Variants in CNTN5 observed in about 807,000 individuals in gnomAD.
The protein encoded by CNTN5 is contactin-5.
CNTN5 carries 77 observed loss-of-function variants against 129.1 expected under a neutral mutation model. The ratio of observed to expected loss-of-function variants is 0.60; its 90% CI spans 0.50 to 0.72. CNTN5 has a LOEUF of 0.72. CNTN5 is among the 30% of genes least tolerant of loss of function. The pLI, the probability that CNTN5 is intolerant of heterozygous loss-of-function variation, is 0.00. For synonymous variants in CNTN5, 509 were observed against 465.6 expected, an observed-to-expected ratio of 1.09 and a Z score of -1.20; for missense variants, 1,478 against 1,328.8, an observed-to-expected ratio of 1.11 and a Z score of -1.75.
At position 100,274,069 on chromosome 11, in the gene CNTN5, A is replaced by T. The variant is rs116681929; in HGVS notation, c.2314+2828A>T. Among the ~76,000 whole-genome samples, 976 of 152,222 alleles carry T rather than the reference A, an allele frequency of 6.4e-3. 15 individuals carry two copies. The highest frequency in any genetic ancestry group is 0.022 in the African/African-American group (910 of 41,526). ...ATAGAGAGTGCAGAAATATGAACTAACTCCTACAACCATCTGATTTTCGAC... is the reference window on the plus strand; with the variant it reads ...ATAGAGAGTGCAGAAATATGAACTATCTCCTACAACCATCTGATTTTCGAC... On this transcript the variant is annotated intron_variant, in intron 18 of 24. Coordinates refer to ENST00000524871, the MANE Select transcript of CNTN5 (RefSeq NM_014361.4).
At chr11:99,549,410 G>C (rs1462372788) in intron 2 of CNTN5, among the ~76,000 whole-genome samples, 2 of 151,956 alleles carry the variant, frequency 1.3e-5, no homozygotes, top group South Asian at 4.1e-4. Flanking sequence ...GTGGGCCCTA[G>C]GCTTTGGTTT....
At chr11:100,287,279 A>G (rs1274447687) in intron 18 of CNTN5, among the ~76,000 whole-genome samples, 5 of 152,058 alleles carry the variant, frequency 3.3e-5, no homozygotes, top group Non-Finnish European at 7.4e-5. Flanking sequence ...ACTCCTCGAG[A>G]AGAGCAACTC....
At chr11:100,291,923 C>T (rs1056302139) in intron 18 of CNTN5, among the ~76,000 whole-genome samples, 25 of 151,722 alleles carry the variant, frequency 1.6e-4, no homozygotes, top group Admixed American at 1.3e-3. Flanking sequence ...TTTCTTCTCC[C>T]GCCATTGCTC....
chr11:99,136,960 T>C (rs1859262964), intron 1 of CNTN5, among the ~76,000 whole-genome samples: 1 of 152,170 alleles, frequency 6.6e-6, no homozygotes, highest in Non-Finnish European at 1.5e-5. Flanking sequence ...ATTACTAAGA[T>C]GCTGAAAAAA....
At chr11:99,809,294 T>G (rs1235554619) in intron 3 of CNTN5, among the ~76,000 whole-genome samples, 1 of 152,232 alleles carries the variant, frequency 6.6e-6, no homozygotes, top group African/African-American at 2.4e-5. Context: ...GCTCTGTTGC[T>G]AAGTTTTGTT....
intron 15 of CNTN5, among the ~76,000 whole-genome samples, chr11:100,222,724 G>GA (rs1215880268): frequency 4.6e-5 from 7 of 151,288 alleles, no homozygotes; most frequent in Admixed American, 6.6e-5. Flanking sequence ...CTATTTCCAG[G>GA]AAAAAAAATC....
chr11:100,191,023 C>A, intron 13 of CNTN5, 103 bp from the exon 14 acceptor site: 1 of 670,712 alleles, frequency 1.5e-6, no homozygotes, highest in Non-Finnish European at 2.4e-6. Flanking sequence ...CTTTATCTTA[C>A]TTATTATCAC....
At chr11:99,940,358 G>A (rs954184806) in intron 7 of CNTN5, among the ~76,000 whole-genome samples, 1 of 152,054 alleles carries the variant, frequency 6.6e-6, no homozygotes, top group Non-Finnish European at 1.5e-5. Flanking sequence ...TTGAAATAAA[G>A]AGACAATAAA....
intron 3 of CNTN5, among the ~76,000 whole-genome samples, chr11:99,690,459 G>A (rs546910380): frequency 6.6e-6 from 1 of 151,976 alleles, no homozygotes. Flanking sequence ...CTCTTTCTTG[G>A]TTCCTTATAA....
chr11:100,108,917 T>C (rs1341909555), intron 13 of CNTN5, among the ~76,000 whole-genome samples: 1 of 152,046 alleles, frequency 6.6e-6, no homozygotes, highest in East Asian at 1.9e-4. Context: ...GTTTCTTGCA[T>C]AAAATTATCG....
chr11:99,400,338 G>C (rs1941737702), intron 2 of CNTN5, among the ~76,000 whole-genome samples: 1 of 152,066 alleles, frequency 6.6e-6, no homozygotes, highest in South Asian at 2.1e-4. Flanking sequence ...TGAACGGAAT[G>C]AACAATAGAA....
At chr11:100,082,622 T>G (rs1015181646) in intron 13 of CNTN5, among the ~76,000 whole-genome samples, 1 of 152,102 alleles carries the variant, frequency 6.6e-6, no homozygotes, top group Non-Finnish European at 1.5e-5. Context: ...ACATTTTTGA[T>G]GAGTACTTAA....
At chr11:99,816,210 C>T (rs1318843027) in intron 3 of CNTN5, among the ~76,000 whole-genome samples, 9 of 152,140 alleles carry the variant, frequency 5.9e-5, no homozygotes, top group Admixed American at 4.6e-4. Context: ...TTTCCAGATT[C>T]GAGTAGCTCT....
At chr11:99,435,544 C>A (rs1369017167) in intron 2 of CNTN5, among the ~76,000 whole-genome samples, 3 of 152,176 alleles carry the variant, frequency 2.0e-5, no homozygotes, top group Admixed American at 2.0e-4. Context: ...CTAACCACAT[C>A]TGGTTACATG....
At chr11:99,706,469 A>C (rs573343183) in intron 3 of CNTN5, among the ~76,000 whole-genome samples, 1 of 151,616 alleles carries the variant, frequency 6.6e-6, no homozygotes, top group Non-Finnish European at 1.5e-5. Context: ...TACTTGGCAG[A>C]TATATCAGCA....
intron 1 of CNTN5, among the ~76,000 whole-genome samples, chr11:99,055,912 C>G (rs1327352227): frequency 6.6e-6 from 1 of 151,872 alleles, no homozygotes; most frequent in African/African-American, 2.4e-5. Flanking sequence ...TGAATGTTGC[C>G]TTTGGGTTGT....
At chr11:99,359,542 G>A (rs997183356) in intron 2 of CNTN5, among the ~76,000 whole-genome samples, 1 of 151,064 alleles carries the variant, frequency 6.6e-6, no homozygotes, top group African/African-American at 2.4e-5. Context: ...AGCTCCCGAA[G>A]TCTTACCTTG....
intron 6 of CNTN5, among the ~76,000 whole-genome samples, chr11:99,852,647 T>C (rs745693231): frequency 9.2e-5 from 14 of 152,226 alleles, no homozygotes; most frequent in Non-Finnish European, 1.9e-4. Context: ...TGAATAACTC[T>C]GTCTTTATGT....
At chr11:99,578,144 C>T (rs1329684661) in intron 3 of CNTN5, among the ~76,000 whole-genome samples, 2 of 152,070 alleles carry the variant, frequency 1.3e-5, no homozygotes, top group Non-Finnish European at 2.9e-5. Flanking sequence ...CATGTCCCTA[C>T]AAAGGATGTG....
Sources: gnomAD v4.1 joint callset for allele counts (sites outside exome capture counted in the v4.1 genomes callset) on GRCh38, gnomAD v4.1.1 for gene constraint, MANE v1.5 for transcripts, NCBI Gene and HGNC (gene_info 2026-07-23, HGNC 2026-07-21) for gene names.